The following DMD variants were observed in gnomAD, a reference collection of about 807,000 sequenced individuals.
DMD encodes mutant dystrophin.
In DMD, 63 loss-of-function variants were observed where a neutral mutation model predicts 330.1. The ratio of observed to expected loss-of-function variants is 0.19; its 90% CI spans 0.16 to 0.24. The LOEUF (loss-of-function observed/expected upper bound fraction) is 0.24. DMD is among the 10% of genes least tolerant of loss of function. The pLI is 1.00. For missense variants in DMD, 3,344 were observed against 2,684.1 expected (o/e 1.25, Z -5.43); for synonymous variants, 1,223 against 959.8 (o/e 1.27, Z -5.07).
intron 70 of DMD, 106 bp downstream of exon 70, chrX:31,178,563 G>C: frequency 2.9e-6 from 3 of 1,050,135 alleles, no homozygotes; most frequent in Middle Eastern, 2.7e-4. Context: ...TAAAAAGAAA[G>C]AAATAGAAGA....
At chrX:32,394,912 A>AACAAAAACAAAC (rs1344568336) in intron 30 of DMD, among the ~76,000 whole-genome samples, 1,627 of 35,773 alleles carry the variant, frequency 0.045, 61 homozygotes, top group African/African-American at 0.13. Context: ...AAAAAACAAA[A>AACAAAAACAAAC]AAACAAAAAA....
intron 3 of DMD, among the ~76,000 whole-genome samples, chrX:32,846,673 T>C (rs1474239962): frequency 1.9e-5 from 2 of 102,637 alleles, no homozygotes; most frequent in Non-Finnish European, 3.9e-5. Flanking sequence ...TACATTCTGA[T>C]ATTTCTCCCA....
chrX:31,456,876 G>GTGTGTGTATA lies in DMD; in HGVS notation c.8938-12250_8938-12249insTATACACACA, dbSNP rs752346201. 4.0e-3 allele frequency among the ~76,000 whole-genome samples: 275 copies of GTGTGTGTATA among 68,679 alleles called. 1 individual carries two copies. In the East Asian group the frequency reaches 0.045, roughly 11 times the overall value. 59.6% of individuals were successfully genotyped at this position (68,679 alleles called of 115,157 possible). On this transcript the variant is annotated intron_variant, in intron 59 of 78. Coordinates refer to ENST00000357033, the MANE Select transcript of DMD (RefSeq NM_004006.3). ...TGTGTGTGTGTGTGTGTGTGTGTGT[G>GTGTGTGTATA]TATATATATATATATTATATACCTA...
chrX:31,885,611 CAAAAAAAAAAA>C (rs762289533), intron 47 of DMD, among the ~76,000 whole-genome samples: 13 of 52,340 alleles, frequency 2.5e-4, no homozygotes, highest in South Asian at 2.2e-3. Context: ...CTCCGTCTCA[CAAAAAAAAAAA>C]AAAAAAAAAA....
At chrX:32,516,970 G>A (rs2045920048) in intron 18 of DMD, 2 of 111,441 alleles carry the variant, frequency 1.8e-5, no homozygotes, top group Admixed American at 9.6e-5. Flanking sequence ...AAGAACTGGT[G>A]ACAAAATTGT....
At chrX:33,009,916 ATGTGTGTATACACATG>A (rs1366917227) in intron 2 of DMD, among the ~76,000 whole-genome samples, 1 of 60,874 alleles carries the variant, frequency 1.6e-5, no homozygotes, top group Non-Finnish European at 3.3e-5. Context: ...ATATGTGTAT[ATGTGTGTATACACATG>A]TGTGTATATA....
In DMD at chrX:31,242,262, C is replaced by CAAAAAAAAAAAA. The variant is rs72176984; in HGVS notation, c.9286+18681_9286+18692dup. On this transcript the variant is annotated intron_variant, in intron 63 of 78. Transcript: ENST00000357033. ...CAAAGTGAGACCCTGTCTCAAAAAG[C>CAAAAAAAAAAAA]AAAAAAAAAAAAAAAAAAAAAAAAA... Among the ~76,000 whole-genome samples, 14 of 24,647 alleles carry CAAAAAAAAAAAA rather than the reference C, an allele frequency of 5.7e-4. 2 individuals are homozygous for CAAAAAAAAAAAA. Among genetic ancestry groups the CAAAAAAAAAAAA allele is most frequent in the Admixed American group, 2.4e-3 (3 of 1,260 alleles). The allele number at this position is 24,647 out of a possible 115,157, so 21.4% of individuals were successfully genotyped here. A position where few individuals can be genotyped will look rare whatever the true frequency, so the allele number is the denominator to read the frequency against.
At chrX:31,816,947 A>C (rs1302535694) in intron 50 of DMD, among the ~76,000 whole-genome samples, 1 of 111,929 alleles carries the variant, frequency 8.9e-6, no homozygotes, top group African/African-American at 3.3e-5. Context: ...GTAATTTTCC[A>C]TTAGGTTCTT....
intron 62 of DMD, among the ~76,000 whole-genome samples, chrX:31,288,526 T>C (rs2053407580): frequency 8.9e-6 from 1 of 112,037 alleles, no homozygotes; most frequent in Admixed American, 9.5e-5. Context: ...AATGTGGGTA[T>C]GTTCCCGACA....
At chrX:32,674,565 C>T (rs964600128) in intron 9 of DMD, among the ~76,000 whole-genome samples, 1 of 111,135 alleles carries the variant, frequency 9.0e-6, no homozygotes, top group Non-Finnish European at 1.9e-5. Flanking sequence ...TAGATATGCG[C>T]TCGGTTTTTG....
chrX:31,184,062 C>A (rs5972329), intron 67 of DMD, among the ~76,000 whole-genome samples: 22,691 of 109,383 alleles, frequency 0.21, 1,948 homozygotes, highest in African/African-American at 0.31. Context: ...GCACACGCCA[C>A]CCCACCCGGC....
chrX:32,782,746 C>A (rs2074902451), intron 7 of DMD, among the ~76,000 whole-genome samples: 1 of 109,813 alleles, frequency 9.1e-6, no homozygotes, highest in Non-Finnish European at 1.9e-5. Context: ...TTGAAAATAA[C>A]TTCAAGAGTG....
At chrX:31,952,754 G>A (rs1569521628) in intron 45 of DMD, among the ~76,000 whole-genome samples, 1 of 111,582 alleles carries the variant, frequency 9.0e-6, no homozygotes, top group African/African-American at 3.3e-5. Flanking sequence ...ATGGGTCACA[G>A]TTGAACGTAT....
At chrX:32,967,792 G>A (rs1449287056) in intron 2 of DMD, among the ~76,000 whole-genome samples, 4 of 111,365 alleles carry the variant, frequency 3.6e-5, no homozygotes, top group African/African-American at 9.8e-5. Flanking sequence ...ATGTAATCTC[G>A]GTTGAACAGG....
chrX:32,441,034 G>T, intron 28 of DMD, 146 bp downstream of exon 28: 2 of 645,751 alleles, frequency 3.1e-6, no homozygotes, highest in Non-Finnish European at 4.6e-6. Flanking sequence ...GGGAACAAAG[G>T]CTTTATCCAA....
At chrX:32,256,443 T>C (rs1473383670) in intron 43 of DMD, among the ~76,000 whole-genome samples, 1 of 110,731 alleles carries the variant, frequency 9.0e-6, no homozygotes, top group Non-Finnish European at 1.9e-5. Context: ...TACACCACAC[T>C]GATGGTCCTG....
At chrX:32,480,562 A>T (rs778595230) in intron 21 of DMD, among the ~76,000 whole-genome samples, 5 of 106,291 alleles carry the variant, frequency 4.7e-5, no homozygotes, top group African/African-American at 1.9e-4. Context: ...TATATACACA[A>T]TATTTGCCTA....
intron 11 of DMD, among the ~76,000 whole-genome samples, chrX:32,617,247 A>T (rs937478475): frequency 4.5e-5 from 5 of 111,482 alleles, no homozygotes; most frequent in Admixed American, 1.9e-4. Flanking sequence ...CTCGATCAAT[A>T]TGGAAACACT....
chrX:32,399,311 G>A (rs1337392925), intron 30 of DMD, among the ~76,000 whole-genome samples: 1 of 111,191 alleles, frequency 9.0e-6, no homozygotes, highest in Non-Finnish European at 1.9e-5. Flanking sequence ...CCATGGAATG[G>A]GAGAAAATAT....
Sources: gnomAD v4.1 joint callset for allele counts (sites outside exome capture counted in the v4.1 genomes callset) on GRCh38, gnomAD v4.1.1 for gene constraint, MANE v1.5 for transcripts, NCBI Gene and HGNC (gene_info 2026-07-23, HGNC 2026-07-21) for gene names.